Variants in RTL9 observed in about 807,000 individuals in gnomAD.
RTL9 encodes retrotransposon Gag-like protein 9.
In RTL9, 19 loss-of-function variants were observed where a neutral mutation model predicts 44.7. The ratio of observed to expected loss-of-function variants is 0.42; its 90% confidence interval spans 0.30 to 0.62. The LOEUF is 0.62. RTL9 is among the 20% of genes least tolerant of loss of function. The pLI is 0.16. For missense variants in RTL9, 1,105 were observed against 1,080.6 expected, an observed-to-expected ratio of 1.02 and a Z score of -0.32; for synonymous variants, 407 against 398.9, an observed-to-expected ratio of 1.02 and a Z score of -0.24.
upstream of RTL9, among the ~76,000 whole-genome samples, chrX:110,415,600 C>A (rs993799852): frequency 9.0e-6 from 1 of 111,055 alleles, no homozygotes; most frequent in African/African-American, 3.3e-5. Context: ...TGGGTAAAGG[C>A]GACTCATTCT....
chrX:110,448,398 A>G (rs749710343), upstream of RTL9, among the ~76,000 whole-genome samples: 4 of 110,052 alleles, frequency 3.6e-5, no homozygotes, highest in East Asian at 1.1e-3. Flanking sequence ...GAGGGCACGT[A>G]TCTTGTTTCC....
rs780939030 is a variant in RTL9 at position 110,443,023 on chromosome X, C to T, written c.-167-2130C>T. On this transcript the variant is annotated intron_variant, in intron 1 of 3. Transcript: ENST00000465301. ...ATTGGCAACAGGGGCAGAAGCTGAA[C>T]ACAGAGAAGGCAGGCAGCAGGGACC... Among the ~76,000 whole-genome samples the T allele has an allele frequency of 3.6e-5, 4 of 112,127 alleles. No individual in the cohort carries two copies. The East Asian group carries it at 1.1e-3, about 31-fold the overall frequency.
intron 1 of RTL9, among the ~76,000 whole-genome samples, chrX:110,408,656 A>G (rs1334743772): frequency 3.6e-5 from 4 of 112,440 alleles, no homozygotes; most frequent in African/African-American, 1.3e-4. Flanking sequence ...TCACCATTTC[A>G]GGAAATCATG....
chrX:110,441,501 C>T (rs973289973), intron 1 of RTL9, among the ~76,000 whole-genome samples: 2 of 112,322 alleles, frequency 1.8e-5, no homozygotes, highest in Non-Finnish European at 3.8e-5. Context: ...AGTGGGTATA[C>T]AAACTAATAA....
chrX:110,391,827 T>C (rs1289453812), intron 1 of RTL9, among the ~76,000 whole-genome samples: 1 of 112,007 alleles, frequency 8.9e-6, no homozygotes, highest in African/African-American at 3.2e-5. Context: ...AGCATCATCT[T>C]CCCCTTTTTT....
upstream of RTL9, among the ~76,000 whole-genome samples, chrX:110,414,548 T>C (rs925418431): frequency 8.8e-6 from 1 of 113,319 alleles, no homozygotes; most frequent in African/African-American, 3.2e-5. Context: ...TTGTTATTTT[T>C]GCTTTACAGA....
upstream of RTL9, among the ~76,000 whole-genome samples, chrX:110,417,080 C>A (rs967024621): frequency 1.8e-5 from 2 of 112,292 alleles, no homozygotes; most frequent in Non-Finnish European, 3.8e-5. Context: ...CCTTCAAAGG[C>A]AGTCTGTTTG....
chrX:110,367,674 T>A (rs1442874509), intron 1 of RTL9, among the ~76,000 whole-genome samples: 2 of 111,439 alleles, frequency 1.8e-5, no homozygotes, highest in Admixed American at 1.9e-4. Flanking sequence ...ACTATTTTCC[T>A]TATACCTGCT....
chrX:110,427,589 G>A (rs964977437), intron 1 of RTL9, among the ~76,000 whole-genome samples: 6 of 111,832 alleles, frequency 5.4e-5, no homozygotes, highest in African/African-American at 1.6e-4. Context: ...TGCCTCTCCT[G>A]CAGAGTAATT....
rs548649919 is a variant in RTL9, at chrX:110,405,684, A to G, written c.-167-39469A>G. Among the ~76,000 whole-genome samples the G allele has an allele frequency of 8.1e-5, 9 of 111,771 alleles. No individual in the cohort carries two copies. In the South Asian group the frequency reaches 3.4e-3, roughly 43 times the overall value. ...TGTTTTATATAAGGTATCTCTATTAATCTTCACTATGATCCTTCCAAAAAG... is the reference window on the plus strand; with the variant it reads ...TGTTTTATATAAGGTATCTCTATTAGTCTTCACTATGATCCTTCCAAAAAG... On this transcript the variant is annotated intron_variant, in intron 1 of 2. Coordinates refer to the RTL9 transcript ENST00000520821.
chrX:110,401,840 A>T (rs1303560136), intron 1 of RTL9, among the ~76,000 whole-genome samples: 2 of 112,541 alleles, frequency 1.8e-5, no homozygotes, highest in Non-Finnish European at 3.8e-5. Context: ...ATGACATGAG[A>T]TAACACACTT....
intron 1 of RTL9, among the ~76,000 whole-genome samples, chrX:110,366,032 T>C (rs1039344292): frequency 1.2e-4 from 13 of 111,757 alleles, no homozygotes; most frequent in African/African-American, 3.9e-4. Flanking sequence ...CTCTGCAGAC[T>C]GGCTCAGCTG....
chrX:110,375,075 A>C (rs2068367000), intron 1 of RTL9, among the ~76,000 whole-genome samples: 1 of 111,770 alleles, frequency 8.9e-6, no homozygotes, highest in South Asian at 3.8e-4. Context: ...TTATATAGCA[A>C]GTAGGCAAGC....
chrX:110,428,750 A>G (rs1345536106), intron 1 of RTL9, among the ~76,000 whole-genome samples: 2 of 111,522 alleles, frequency 1.8e-5, no homozygotes, highest in East Asian at 5.6e-4. Context: ...TGCCTTCCCA[A>G]CCATACCTCC....
At chrX:110,437,088 C>G (rs1166709104) in intron 1 of RTL9, among the ~76,000 whole-genome samples, 1 of 111,680 alleles carries the variant, frequency 9.0e-6, no homozygotes, top group Non-Finnish European at 1.9e-5. Context: ...GTGAATCCAC[C>G]TATTTAGTTA....
At chrX:110,397,858 C>T (rs1200888486) in intron 1 of RTL9, among the ~76,000 whole-genome samples, 1 of 111,740 alleles carries the variant, frequency 8.9e-6, no homozygotes, top group East Asian at 2.8e-4. Context: ...CTGCCACCCC[C>T]AACTAACTTA....
At chrX:110,372,255 A>G (rs911990111) in intron 1 of RTL9, among the ~76,000 whole-genome samples, 1 of 112,648 alleles carries the variant, frequency 8.9e-6, no homozygotes, top group Admixed American at 9.4e-5. Context: ...AAAATCAAGG[A>G]AGGAGGATAT....
intron 1 of RTL9, among the ~76,000 whole-genome samples, chrX:110,398,233 C>T (rs780358961): frequency 3.6e-5 from 4 of 112,075 alleles, no homozygotes; most frequent in Non-Finnish European, 5.6e-5. Flanking sequence ...CAGGTGAACC[C>T]GCTGGCACCA....
At chrX:110,406,633 C>T (rs933632867) in intron 1 of RTL9, among the ~76,000 whole-genome samples, 3 of 111,698 alleles carry the variant, frequency 2.7e-5, no homozygotes, top group Non-Finnish European at 3.8e-5. Context: ...GTAATGGGAT[C>T]GCTGGGTCAA....
Sources: gnomAD v4.1 joint callset for allele counts (sites outside exome capture counted in the v4.1 genomes callset) on GRCh38, gnomAD v4.1.1 for gene constraint, MANE v1.5 for transcripts, NCBI Gene and HGNC (gene_info 2026-07-23, HGNC 2026-07-21) for gene names.